Variants in SNX13 observed in about 807,000 individuals in gnomAD.
SNX13 encodes sorting nexin 13.
In SNX13, 45 loss-of-function variants were observed where a neutral mutation model predicts 133.6. That is an observed-to-expected ratio of 0.34 (90% CI 0.27 to 0.43). SNX13 has a LOEUF of 0.43. Ranked by LOEUF, SNX13 falls within the 20% of genes least tolerant of loss-of-function variation. SNX13 has a pLI of 1.00. For synonymous variants in SNX13, 414 were observed against 373.9 expected (o/e 1.11, Z -1.24); for missense variants, 1,032 against 1,145.1 (o/e 0.90, Z 1.43).
rs1419312918 is a variant in SNX13 at position 17,830,052 on chromosome 7, A to AG, written c.1598-6dup. The AG allele has an allele frequency of 1.5e-5, 23 of 1,526,762 alleles. No individual in the cohort carries two copies. The highest frequency in any genetic ancestry group is 1.2e-4 in the African/African-American group (9 of 72,256). 94.6% of individuals were successfully genotyped at this position (1,526,762 alleles called of 1,614,324 possible). ...TAGGAGACCCATTAAAAGATTCTGC[A>AG]GGGGGGAAATTCAACTTAGTATACA... is the stretch of plus-strand genomic sequence containing the variant. On this transcript the variant is annotated splice_polypyrimidine_tract_variant and splice_region_variant and intron_variant, in intron 15 of 25. Transcript: ENST00000428135.
At chr7:17,826,151 A>C in intron 16 of SNX13, 60 bp from the exon 17 acceptor site, 1 of 1,091,320 alleles carries the variant, frequency 9.2e-7, no homozygotes, top group Non-Finnish European at 1.3e-6. Flanking sequence ...AAAAGAGTAA[A>C]GAATTCTACA....
intron 2 of SNX13, among the ~76,000 whole-genome samples, chr7:17,896,137 C>A (rs1410515295): frequency 1.3e-5 from 2 of 152,188 alleles, no homozygotes; most frequent in South Asian, 4.1e-4. Flanking sequence ...CATTTGGCTG[C>A]AGATCTGTAG....
chr7:17,940,231 C>T, intron 1 of SNX13, 53 bp downstream of exon 1: 2 of 1,551,680 alleles, frequency 1.3e-6, no homozygotes, highest in South Asian at 1.2e-5. Flanking sequence ...GACGGGCTGG[C>T]GCCGGCCCCT....
chr7:17,934,770 T>A (rs1272498239), intron 1 of SNX13, among the ~76,000 whole-genome samples: 1 of 152,028 alleles, frequency 6.6e-6, no homozygotes, highest in Non-Finnish European at 1.5e-5. Flanking sequence ...GGCCAACAAA[T>A]ACATGAAAAA....
chr7:17,915,086 A>C (rs1248882955), intron 1 of SNX13, among the ~76,000 whole-genome samples: 1 of 152,204 alleles, frequency 6.6e-6, no homozygotes, highest in South Asian at 2.1e-4. Context: ...GTATCAAATA[A>C]AACAAACTTT....
chr7:17,868,672 ATACAGT>A (rs1295210636), intron 8 of SNX13, among the ~76,000 whole-genome samples, 182 bp from the exon 9 acceptor site: 8 of 152,240 alleles, frequency 5.3e-5, no homozygotes, highest in African/African-American at 1.9e-4. Flanking sequence ...GATAAATGAG[ATACAGT>A]TACCTGTATC....
At chr7:17,892,861 G>C (rs1164452429) in intron 3 of SNX13, among the ~76,000 whole-genome samples, 3 of 151,930 alleles carry the variant, frequency 2.0e-5, no homozygotes, top group Admixed American at 2.0e-4. Context: ...AAAAATAATA[G>C]CACCATTCAA....
At chr7:17,857,505 C>G (rs1792066705) in intron 9 of SNX13, among the ~76,000 whole-genome samples, 2 of 152,080 alleles carry the variant, frequency 1.3e-5, no homozygotes. Flanking sequence ...AGTAAACTGG[C>G]CAGGTGCGGT....
chr7:17,815,285 A>G (rs563964847), intron 19 of SNX13, among the ~76,000 whole-genome samples: 1 of 152,286 alleles, frequency 6.6e-6, no homozygotes, highest in African/African-American at 2.4e-5. Context: ...TAACAATTCT[A>G]GGGTTAACAT....
At position 17,850,332 on chromosome 7, in the gene SNX13, A is replaced by T. The variant is rs540212609; in HGVS notation, c.1065+15T>A. The stretch of plus-strand genomic sequence containing the variant: ...TATTTATAACTAAACGTTAATTCAA[A>T]ACTACTTTACTTACTTTGCCTGACT... On this transcript the variant is annotated intron_variant, in intron 11 of 25. Transcript: ENST00000428135. 5 of 1,554,088 alleles carry T rather than the reference A, an allele frequency of 3.2e-6. No homozygotes were observed. The East Asian group carries it at 1.1e-4, about 35-fold the overall frequency.
At chr7:17,838,362 T>C (rs1789401822) in intron 13 of SNX13, among the ~76,000 whole-genome samples, 2 of 152,082 alleles carry the variant, frequency 1.3e-5, no homozygotes, top group Admixed American at 6.6e-5. Context: ...TATCTGTGTC[T>C]TCTTCCATTT....
At chr7:17,817,770 AC>A (rs1786821555) in intron 18 of SNX13, among the ~76,000 whole-genome samples, 1 of 152,190 alleles carries the variant, frequency 6.6e-6, no homozygotes, top group Non-Finnish European at 1.5e-5. Context: ...AAGTAAATTT[AC>A]TTTTTCAAGG....
chr7:17,921,179 G>C (rs1271935824), intron 1 of SNX13, among the ~76,000 whole-genome samples: 1 of 152,126 alleles, frequency 6.6e-6, no homozygotes. Context: ...GTCTATCAAG[G>C]TCTGGACTGA....
At chr7:17,885,513 C>G (rs934769027) in intron 5 of SNX13, among the ~76,000 whole-genome samples, 9 of 152,058 alleles carry the variant, frequency 5.9e-5, no homozygotes, top group African/African-American at 2.2e-4. Context: ...GAACTATTAC[C>G]CCAGGTCTAT....
chr7:17,807,775 C>T (rs1159795561), intron 20 of SNX13, among the ~76,000 whole-genome samples: 1 of 152,186 alleles, frequency 6.6e-6, no homozygotes, highest in African/African-American at 2.4e-5. Flanking sequence ...AAGGAACAGG[C>T]AGCAATCTTG....
intron 15 of SNX13, among the ~76,000 whole-genome samples, chr7:17,832,864 T>G (rs1452367013): frequency 1.3e-5 from 2 of 151,424 alleles, no homozygotes; most frequent in African/African-American, 4.8e-5. Flanking sequence ...GTAACTAGAT[T>G]TCTTAGATTA....
intron 1 of SNX13, among the ~76,000 whole-genome samples, chr7:17,932,958 G>A (rs1801573026): frequency 6.6e-6 from 1 of 152,096 alleles, no homozygotes; most frequent in Admixed American, 6.5e-5. Context: ...GATTTCTGAG[G>A]ACAGGTTTCC....
rs965476559 is a variant in SNX13 at position 17,875,561 on chromosome 7, C to T, written c.583G>A (p.Asp195Asn). ...QVKGTAEDLVDTFFEVEVEME... is the reference protein window; with the variant it reads ...QVKGTAEDLVNTFFEVEVEME... ...TCAACTTCAACTTCAAAGAAGGTAT[C>T]TACAAGATCTTCTGCTGTACCTAAA... is the stretch of plus-strand genomic sequence containing the variant. The change falls in exon 7 of 26, where the codon GAT becomes AAT. Residue 195 changes from aspartate (D) to asparagine (N), a missense_variant. By Grantham distance (23) the Asp-to-Asn change is conservative. Coordinates refer to ENST00000428135, the MANE Select transcript of SNX13 (RefSeq NM_015132.5). 3.1e-6 allele frequency: 5 copies of T among 1,611,130 alleles called. No individual in the cohort carries two copies. The highest frequency in any genetic ancestry group is 4.2e-6 in the Non-Finnish European group (5 of 1,179,352).
rs376039914 is a variant in SNX13 at position 17,874,912 on chromosome 7, A to T, written c.664+568T>A. Among the ~76,000 whole-genome samples, 6 of 152,248 alleles carry T rather than the reference A, an allele frequency of 3.9e-5. No homozygotes were observed. In the East Asian group the frequency reaches 9.6e-4, roughly 24 times the overall value. ...TGGTAACAGGTATACTTCTGAAGCAAAAATAATAAATTCAAGAGGAAGAGA... is the reference window on the plus strand; with the variant it reads ...TGGTAACAGGTATACTTCTGAAGCATAAATAATAAATTCAAGAGGAAGAGA... On this transcript the variant is annotated intron_variant, in intron 7 of 25. Transcript: ENST00000428135.
Sources: gnomAD v4.1 joint callset for allele counts (sites outside exome capture counted in the v4.1 genomes callset) on GRCh38, gnomAD v4.1.1 for gene constraint, MANE v1.5 for transcripts, NCBI Gene and HGNC (gene_info 2026-07-23, HGNC 2026-07-21) for gene names.